The following GPR107 variants were observed in gnomAD, a reference collection of about 807,000 sequenced individuals.
GPR107 encodes protein GPR107.
Under a neutral mutation model 75.5 loss-of-function variants are expected in GPR107, and 31 were observed. The observed-to-expected ratio is 0.41, with a 90% CI of 0.31 to 0.55. GPR107 has a LOEUF of 0.55. Ranked by LOEUF, GPR107 falls within the 20% of genes least tolerant of loss-of-function variation. The pLI is 0.26. For synonymous variants in GPR107, 267 were observed against 251.3 expected (o/e 1.06, Z -0.59); for missense variants, 572 against 665.7 (o/e 0.86, Z 1.55).
chr9:130,125,402 T>TTC (rs1270780412), intron 15 of GPR107, among the ~76,000 whole-genome samples: 2 of 146,000 alleles, frequency 1.4e-5, no homozygotes, highest in African/African-American at 5.0e-5. Context: ...CTTTTTTGCT[T>TTC]TTTTTTTTTT....
intron 12 of GPR107, 75 bp from the exon 13 acceptor site, chr9:130,104,345 A>T (rs1831108485): frequency 7.2e-7 from 1 of 1,391,454 alleles, no homozygotes; most frequent in South Asian, 1.2e-5. Flanking sequence ...CAAGGTGTAC[A>T]CCCCACATTG....
intron 17 of GPR107, among the ~76,000 whole-genome samples, chr9:130,131,613 C>CGG (rs1554899108): frequency 6.6e-6 from 1 of 151,978 alleles, no homozygotes; most frequent in Non-Finnish European, 1.5e-5. Context: ...CCTCCTGCTC[C>CGG]GCGTCACCTC....
At chr9:130,123,841 C>T (rs756566920) in intron 14 of GPR107, among the ~76,000 whole-genome samples, 2 of 152,014 alleles carry the variant, frequency 1.3e-5, no homozygotes, top group Non-Finnish European at 2.9e-5. Context: ...AGAGAGGTTG[C>T]TAGGTAAGAA....
At chr9:130,084,047 C>CATATATAGATATAT (rs1554892947) in intron 6 of GPR107, among the ~76,000 whole-genome samples, 1 of 130,908 alleles carries the variant, frequency 7.6e-6, no homozygotes, top group Non-Finnish European at 1.6e-5. Flanking sequence ...AGAGAGCTAA[C>CATATATAGATATAT]ATATATATAT....
intron 9 of GPR107, among the ~76,000 whole-genome samples, chr9:130,094,666 GTTTTGTTTGT>G (rs1416935738): frequency 2.0e-5 from 3 of 151,276 alleles, no homozygotes; most frequent in Admixed American, 6.6e-5. Context: ...ATTTTGTTTT[GTTTTGTTTGT>G]TTTTGTTTTT....
At chr9:130,076,817 G>A (rs531579139) in intron 3 of GPR107, among the ~76,000 whole-genome samples, 56 of 151,208 alleles carry the variant, frequency 3.7e-4, no homozygotes, top group African/African-American at 1.3e-3. Context: ...TGGCCACAGC[G>A]CCATTTCTTG....
At chr9:130,067,979 A>G (rs771774969) in intron 1 of GPR107, among the ~76,000 whole-genome samples, 11 of 151,496 alleles carry the variant, frequency 7.3e-5, no homozygotes, top group Non-Finnish European at 1.5e-4. Flanking sequence ...ACTTCAAGTG[A>G]TCCTCCCACC....
At chr9:130,070,558 C>A (rs922250915) in intron 1 of GPR107, among the ~76,000 whole-genome samples, 28 of 152,118 alleles carry the variant, frequency 1.8e-4, no homozygotes, top group Non-Finnish European at 3.5e-4. Flanking sequence ...CCTGCCTTGA[C>A]CCCCCAAAGT....
chr9:130,078,990 G>A (rs1589494666), intron 4 of GPR107, among the ~76,000 whole-genome samples: 1 of 152,224 alleles, frequency 6.6e-6, no homozygotes, highest in East Asian at 1.9e-4. Flanking sequence ...ACGGGGTCTC[G>A]CTCTGTGGCC....
intron 1 of GPR107, among the ~76,000 whole-genome samples, chr9:130,069,206 T>G (rs1429369495): frequency 6.6e-6 from 1 of 152,228 alleles, no homozygotes; most frequent in Non-Finnish European, 1.5e-5. Flanking sequence ...ATGGACATGT[T>G]TGAGGCTACT....
intron 1 of GPR107, among the ~76,000 whole-genome samples, chr9:130,068,317 C>T (rs1475093700): frequency 1.3e-5 from 2 of 151,854 alleles, no homozygotes; most frequent in African/African-American, 4.8e-5. Flanking sequence ...TGTACTGGAA[C>T]GTGGCCTACA....
intron 1 of GPR107, among the ~76,000 whole-genome samples, chr9:130,059,434 G>A (rs975434612): frequency 6.6e-6 from 1 of 152,126 alleles, no homozygotes; most frequent in South Asian, 2.1e-4. Context: ...GTTGCTATGA[G>A]CTGAGATTGT....
At chr9:130,122,171 A>G (rs1332935309) in intron 14 of GPR107, among the ~76,000 whole-genome samples, 2 of 152,194 alleles carry the variant, frequency 1.3e-5, no homozygotes, top group African/African-American at 2.4e-5. Flanking sequence ...GATTACAGGC[A>G]TGAGCCGCCG....
At chr9:130,090,785 A>T (rs1053336463) in intron 7 of GPR107, 91 bp from the exon 8 acceptor site, 1 of 557,650 alleles carries the variant, frequency 1.8e-6, no homozygotes, top group Non-Finnish European at 3.1e-6. Context: ...TGAACAAAAA[A>T]GTAAACAATA....
At chr9:130,057,691 A>G (rs1829826233) in intron 1 of GPR107, among the ~76,000 whole-genome samples, 2 of 151,816 alleles carry the variant, frequency 1.3e-5, no homozygotes, top group Admixed American at 1.3e-4. Context: ...TTATTTTTAA[A>G]ATTAGAAATG....
intron 12 of GPR107, 65 bp downstream of exon 12, chr9:130,101,288 C>T: frequency 1.1e-6 from 1 of 872,980 alleles, no homozygotes; most frequent in Non-Finnish European, 2.0e-6. Context: ...CAGCTCCAAG[C>T]CTGTATGGGA....
chr9:130,063,721 A>G (rs895205854), intron 1 of GPR107, among the ~76,000 whole-genome samples: 1 of 151,336 alleles, frequency 6.6e-6, no homozygotes, highest in African/African-American at 2.4e-5. Context: ...GGGAAATTCC[A>G]GTGATTGCTT....
chr9:130,108,758 T>C lies in GPR107; in HGVS notation c.1306+1219T>C, dbSNP rs535993210. 7 of 455,946 alleles carry C rather than the reference T, an allele frequency of 1.5e-5. No homozygotes were observed. The East Asian group carries it at 4.2e-4, about 27-fold the overall frequency. 28.2% of individuals were successfully genotyped at this position (455,946 alleles called of 1,614,324 possible). ...CCCTTCTCCCGTTTTCTCATTTTTT[T>C]CCCCTCAAAGATACCAGGTTCCCTT... On this transcript the variant is annotated intron_variant, in intron 14 of 17. Coordinates refer to ENST00000347136, the MANE Select transcript of GPR107 (RefSeq NM_020960.5).
chr9:130,089,766 C>T (rs1027042980), intron 7 of GPR107, among the ~76,000 whole-genome samples: 1 of 152,174 alleles, frequency 6.6e-6, no homozygotes, highest in Admixed American at 6.5e-5. Flanking sequence ...TTAAAATACA[C>T]ATTCACATTC....
Sources: allele counts gnomAD v4.1 joint callset (sites outside exome capture counted in the v4.1 genomes callset), GRCh38; gene constraint gnomAD v4.1.1; transcripts MANE v1.5; gene names NCBI Gene and HGNC (gene_info 2026-07-23, HGNC 2026-07-21).